Variants in CASS4 observed in about 807,000 individuals in gnomAD.
CASS4 encodes cas scaffolding protein family member 4.
A neutral mutation model predicts 54.2 loss-of-function variants in CASS4; 22 were observed. That is an observed-to-expected ratio of 0.41 (90% CI 0.29 to 0.58). CASS4 has a LOEUF of 0.58. Among genes scored for constraint, CASS4 ranks in the 20% least tolerant of loss-of-function variants. The probability of loss-of-function intolerance (pLI) is 0.36; values close to 1 mark genes in which losing one functional copy is unlikely to be tolerated. For synonymous variants in CASS4, 409 were observed against 391.5 expected, an observed-to-expected ratio of 1.04 and a Z score of -0.53; for missense variants, 854 against 986.7, an observed-to-expected ratio of 0.87 and a Z score of 1.80.
At chr20:56,447,410 A>G (rs768702760) in intron 3 of CASS4, among the ~76,000 whole-genome samples, 10 of 152,182 alleles carry the variant, frequency 6.6e-5, no homozygotes, top group South Asian at 4.2e-4. Flanking sequence ...TCACCATCTC[A>G]GGTTTCTACC....
intron 2 of CASS4, among the ~76,000 whole-genome samples, chr20:56,441,636 C>T (rs144188603): frequency 6.6e-6 from 1 of 151,982 alleles, no homozygotes; most frequent in Non-Finnish European, 1.5e-5. Flanking sequence ...TAATTTCTTG[C>T]CTTCTCTGTG....
rs1014719406 is a variant in CASS4 at position 56,453,373 on chromosome 20, G to A, written c.1953+244G>A. On this transcript the variant is annotated intron_variant, in intron 5 of 5. Coordinates refer to ENST00000679887, the MANE Select transcript of CASS4 (RefSeq NM_020356.4). ...TGGATTTCTTCCGAAAACTTTTGGCGTTCAAGTTTACCATATTAGAATTAA... is the reference window on the plus strand; with the variant it reads ...TGGATTTCTTCCGAAAACTTTTGGCATTCAAGTTTACCATATTAGAATTAA... 6 of 351,340 alleles carry A rather than the reference G, an allele frequency of 1.7e-5. No homozygotes were observed. The South Asian group carries it at 3.2e-4, about 19-fold the overall frequency. The allele number at this position is 351,340 out of a possible 1,614,324, so 21.8% of individuals were successfully genotyped here.
chr20:56,436,397 ATG>A (rs1980169068), intron 1 of CASS4, among the ~76,000 whole-genome samples: 1 of 148,014 alleles, frequency 6.8e-6, no homozygotes, highest in South Asian at 2.1e-4. Flanking sequence ...TATAGGATAT[ATG>A]TTGGGTACAT....
chr20:56,441,474 A>ATGCAT (rs1362643665), intron 2 of CASS4, among the ~76,000 whole-genome samples: 1 of 151,906 alleles, frequency 6.6e-6, no homozygotes, highest in Non-Finnish European at 1.5e-5. Context: ...GTGTGGTGGT[A>ATGCAT]TGCATCTGTA....
At chr20:56,438,262 C>T (rs966476260) in intron 2 of CASS4, among the ~76,000 whole-genome samples, 1 of 148,974 alleles carries the variant, frequency 6.7e-6, no homozygotes, top group African/African-American at 2.5e-5. Context: ...TGCACTCCAG[C>T]CTCGGTGGCA....
chr20:56,433,386 G>T lies in CASS4; in HGVS notation c.37-3778G>T, dbSNP rs551548074. Among the ~76,000 whole-genome samples the T allele has an allele frequency of 3.0e-4, 45 of 152,286 alleles. No homozygotes were observed. The South Asian group carries it at 7.9e-3, about 27-fold the overall frequency. ...CCTCAGAAAGGGTGACACCCTGGAG[G>T]CCAGTGAGGAAGTGATACCTATGAG... On this transcript the variant is annotated intron_variant, in intron 1 of 5. Transcript: ENST00000679887.
intron 3 of CASS4, among the ~76,000 whole-genome samples, chr20:56,447,319 T>C (rs571912116): frequency 2.0e-5 from 3 of 152,230 alleles, no homozygotes; most frequent in Non-Finnish European, 4.4e-5. Flanking sequence ...TTCTAGTTCA[T>C]TTAAAGCTAA....
At chr20:56,425,636 G>A (rs1476772301) in intron 1 of CASS4, among the ~76,000 whole-genome samples, 2 of 152,222 alleles carry the variant, frequency 1.3e-5, no homozygotes, top group Admixed American at 1.3e-4. Context: ...AAGGGCTTGC[G>A]TGGTAACGAC....
intron 1 of CASS4, among the ~76,000 whole-genome samples, chr20:56,431,832 T>C (rs6127751): frequency 0.19 from 29,549 of 152,244 alleles, 3,800 homozygotes; most frequent in East Asian, 0.52. Flanking sequence ...TTTTAAAGAT[T>C]GCTTTAAATG....
At chr20:56,455,508 C>T (rs1290745008) in intron 5 of CASS4, among the ~76,000 whole-genome samples, 1 of 152,220 alleles carries the variant, frequency 6.6e-6, no homozygotes, top group East Asian at 1.9e-4. Flanking sequence ...GCTCCCTGAA[C>T]CCCAAACACT....
intron 5 of CASS4, among the ~76,000 whole-genome samples, chr20:56,455,372 G>C (rs540299235): frequency 9.2e-5 from 14 of 152,298 alleles, no homozygotes; most frequent in Admixed American, 2.6e-4. Context: ...CTGAGCTTGG[G>C]AAACTTACCT....
chr20:56,414,382 G>A lies in CASS4; in HGVS notation c.36+1888G>A, dbSNP rs1050279553. On this transcript the variant is annotated intron_variant, in intron 1 of 5. Transcript: ENST00000679887. This position sits in a 1 kb window ranked among gnomAD's most constrained non-coding sequence, Gnocchi z 4.1. ...TTTTATGATTTAGACTTCTTTTTAT[G>A]TACTGCTTATTCTGCCTAAATAATT... Among the ~76,000 whole-genome samples the A allele has an allele frequency of 6.6e-6, 1 of 151,868 alleles. No homozygotes were observed. The highest frequency in any genetic ancestry group is 1.5e-5 in the Non-Finnish European group (1 of 67,992).
In CASS4 at chr20:56,459,542, G is replaced by A. The variant is rs1302354637; in HGVS notation, c.*795G>A. 3 of 225,358 alleles carry A rather than the reference G, an allele frequency of 1.3e-5. No homozygotes were observed. The highest frequency in any genetic ancestry group is 1.2e-4 in the East Asian group (1 of 8,070). The allele number at this position is 225,358 out of a possible 1,614,324, so 14.0% of individuals were successfully genotyped here. On this transcript the variant is annotated 3_prime_UTR_variant, in exon 6 of 6. Transcript: ENST00000679887. The stretch of plus-strand genomic sequence containing the variant: ...TGGGGCGATTTTGTTTTAATTTCTC[G>A]GTCAGGAATCACTTAATCCTGGAAG...
At chr20:56,425,994 C>T (rs75890703) in intron 1 of CASS4, among the ~76,000 whole-genome samples, 3,385 of 152,338 alleles carry the variant, frequency 0.022, 133 homozygotes, top group African/African-American at 0.077. Flanking sequence ...AGCTCTACCT[C>T]ATTCTTGTAA....
At position 56,412,985 on chromosome 20, in the gene CASS4, G is replaced by A. The variant is rs1008885632; in HGVS notation, c.36+491G>A. 2.0e-5 allele frequency among the ~76,000 whole-genome samples: 3 copies of A among 152,114 alleles called. No individual in the cohort carries two copies. The highest frequency in any genetic ancestry group is 4.8e-5 in the African/African-American group (2 of 41,420). On this transcript the variant is annotated intron_variant, in intron 1 of 5. Transcript: ENST00000679887. This position sits in a 1 kb window ranked among gnomAD's most constrained non-coding sequence, Gnocchi z 4.2. ...TTAACTTGTGCATTATGTGAGCAAAGCTGGAGCTTTCAGACAGACTTCATG... is the reference window on the plus strand; with the variant it reads ...TTAACTTGTGCATTATGTGAGCAAAACTGGAGCTTTCAGACAGACTTCATG...
At position 56,422,095 on chromosome 20, in the gene CASS4, A is replaced by G. The variant is rs192164707; in HGVS notation, c.36+9601A>G. On this transcript the variant is annotated intron_variant, in intron 1 of 5. Coordinates refer to ENST00000679887, the MANE Select transcript of CASS4 (RefSeq NM_020356.4). ...CTCCTTCGGTGGGTTTTTCATGAGCAAGGGTGAAATTGTCAGCCCCTTGAC... is the reference window on the plus strand; with the variant it reads ...CTCCTTCGGTGGGTTTTTCATGAGCGAGGGTGAAATTGTCAGCCCCTTGAC... Among the ~76,000 whole-genome samples, 916 of 152,334 alleles carry G rather than the reference A, an allele frequency of 6.0e-3. 8 individuals carry two copies. Among genetic ancestry groups the G allele is most frequent in the Middle Eastern group, 0.02 (6 of 294 alleles).
At chr20:56,449,544 G>A (rs1159148731) in intron 3 of CASS4, among the ~76,000 whole-genome samples, 2 of 151,842 alleles carry the variant, frequency 1.3e-5, no homozygotes, top group Non-Finnish European at 2.9e-5. Flanking sequence ...ACACCAACAT[G>A]GCAGATGTAT....
chr20:56,452,650 GA>G lies in CASS4; in HGVS notation c.1476del (p.Glu492AspfsTer57). On this transcript the variant is annotated frameshift_variant, in exon 5 of 6. Coordinates refer to ENST00000679887, the MANE Select transcript of CASS4 (RefSeq NM_020356.4). LOFTEE classifies it high-confidence loss of function. ...TGATCACATAGAAGAATCTGTAAGA[GA>G]ATTTCTGGATTTTGCCCGAGGAGTC... The part of the protein sequence containing the change: ...STDHIEESVR[E>X]FLDFARGVHG... 1.2e-6 allele frequency: 2 copies of G among 1,614,194 alleles called. No homozygotes were observed. The highest frequency in any genetic ancestry group is 1.7e-6 in the Non-Finnish European group (2 of 1,180,042).
At chr20:56,423,994 C>T (rs943397695) in intron 1 of CASS4, among the ~76,000 whole-genome samples, 4 of 152,184 alleles carry the variant, frequency 2.6e-5, no homozygotes, top group South Asian at 2.1e-4. Context: ...GAAGCAGAAA[C>T]TCAGTTCTTT....
Sources: allele counts gnomAD v4.1 joint callset (sites outside exome capture counted in the v4.1 genomes callset), GRCh38; gene constraint gnomAD v4.1.1; non-coding constraint Gnocchi (gnomAD v3.1); transcripts MANE v1.5; gene names NCBI Gene and HGNC (gene_info 2026-07-23, HGNC 2026-07-21).